The following UBE3D variants were observed in gnomAD, a reference collection of about 807,000 sequenced individuals.
UBE3D encodes ubiquitin protein ligase E3D.
Under a neutral mutation model 49.6 loss-of-function variants are expected in UBE3D, and 48 were observed. The observed-to-expected ratio is 0.97, with a 90% CI of 0.77 to 1.23. UBE3D has a LOEUF of 1.23. Among genes scored for constraint, UBE3D ranks in the 50% most tolerant of loss-of-function variants. The pLI is 0.00. For synonymous variants in UBE3D, 189 were observed against 174.2 expected (o/e 1.08, Z -0.67); for missense variants, 452 against 468.4 (o/e 0.96, Z 0.32).
intron 9 of UBE3D, among the ~76,000 whole-genome samples, chr6:82,917,106 G>T (rs1038807982): frequency 2.6e-5 from 4 of 152,134 alleles, no homozygotes; most frequent in African/African-American, 9.7e-5. Flanking sequence ...AGTTCAAAAT[G>T]AGAGCTTTTT....
rs1773239767 is a variant in UBE3D at position 82,920,390 on chromosome 6, TATG to T, written c.1150-27351_1150-27349del. 2.0e-5 allele frequency among the ~76,000 whole-genome samples: 3 copies of T among 152,368 alleles called. 1 individual carries two copies. The highest frequency in any genetic ancestry group is 1.9e-4 in the East Asian group (1 of 5,190). On this transcript the variant is annotated intron_variant, in intron 9 of 9. Transcript: ENST00000369747. ...TCCTTTGATACATATATCTTTTTAATATGATAAGACCACATTGATCTATAATAG... is the reference window on the plus strand; with the variant it reads ...TCCTTTGATACATATATCTTTTTAATATAAGACCACATTGATCTATAATAG...
At chr6:82,955,655 A>C (rs1272257744) in intron 9 of UBE3D, among the ~76,000 whole-genome samples, 1 of 152,168 alleles carries the variant, frequency 6.6e-6, no homozygotes, top group Non-Finnish European at 1.5e-5. Flanking sequence ...ATAAATACAA[A>C]CTACTGCAAA....
chr6:83,011,244 G>T (rs552736803), intron 8 of UBE3D, among the ~76,000 whole-genome samples: 3 of 152,146 alleles, frequency 2.0e-5, no homozygotes, highest in Admixed American at 6.5e-5. Context: ...ATGCACAAAC[G>T]TGTTTTTAAC....
At chr6:83,054,884 C>T (rs1264500636) in intron 2 of UBE3D, among the ~76,000 whole-genome samples, 10 of 152,150 alleles carry the variant, frequency 6.6e-5, no homozygotes, top group Non-Finnish European at 1.2e-4. Flanking sequence ...TTCCTGACCT[C>T]GTAATCCCCT....
chr6:83,001,889 TCA>T (rs1158486119), intron 8 of UBE3D, among the ~76,000 whole-genome samples: 3 of 152,142 alleles, frequency 2.0e-5, no homozygotes, highest in African/African-American at 7.2e-5. Flanking sequence ...GAAACGCGTA[TCA>T]CAGAGATTCT....
chr6:82,978,311 C>G (rs1427012310), intron 8 of UBE3D, among the ~76,000 whole-genome samples: 1 of 152,094 alleles, frequency 6.6e-6, no homozygotes, highest in African/African-American at 2.4e-5. Flanking sequence ...GAAATACTGG[C>G]TTTGCTGTCA....
intron 8 of UBE3D, among the ~76,000 whole-genome samples, chr6:82,984,951 C>A (rs1778360812): frequency 1.3e-5 from 2 of 151,258 alleles, no homozygotes; most frequent in Non-Finnish European, 2.9e-5. Flanking sequence ...GGTAGGACTG[C>A]AGCTGTGCAC....
intron 2 of UBE3D, among the ~76,000 whole-genome samples, chr6:83,056,587 G>C (rs1250374651): frequency 6.6e-6 from 1 of 151,998 alleles, no homozygotes; most frequent in African/African-American, 2.4e-5. Context: ...CCTACCCTTT[G>C]TTCCTAAAAC....
Position 83,022,501 on chromosome 6 carries a change from G to T in UBE3D, c.798C>A (p.Ser266Arg). 1 of 1,606,304 alleles carries T rather than the reference G, an allele frequency of 6.2e-7. No individual in the cohort carries two copies. The highest frequency in any genetic ancestry group is 8.5e-7 in the Non-Finnish European group (1 of 1,176,920). The change falls in exon 7 of 10, where the codon AGC becomes AGA. Residue 266 changes from serine to arginine, a missense_variant. By Grantham distance (110) the Ser-to-Arg change is moderately radical (BLOSUM62 -1). Coordinates refer to ENST00000369747, the MANE Select transcript of UBE3D (RefSeq NM_198920.3). ...QCLVQLSSAR[S>R]TFRFTIQGQD... ...GACCTTGAATCGTGAATCTAAAAGT[G>T]CTTCTAGCAGAGGAGAGCTGCACCA...
chr6:82,931,747 T>C (rs999279495), intron 9 of UBE3D, among the ~76,000 whole-genome samples: 1 of 152,248 alleles, frequency 6.6e-6, no homozygotes, highest in African/African-American at 2.4e-5. Flanking sequence ...AACTTGCTTT[T>C]AATTTTACAG....
the UBE3D span, among the ~76,000 whole-genome samples, chr6:82,882,504 C>T: frequency 6.6e-6 from 1 of 152,180 alleles, no homozygotes; most frequent in Non-Finnish European, 1.5e-5. Flanking sequence ...TTCCCGGCTA[C>T]CTTCCACCTA....
At position 83,044,655 on chromosome 6, in the gene UBE3D, G is replaced by A. The variant is rs778465396; in HGVS notation, c.370C>T (p.Leu124Phe). 6.2e-7 allele frequency: 1 copy of A among 1,610,978 alleles called. No homozygotes were observed. The highest frequency in any genetic ancestry group is 8.5e-7 in the Non-Finnish European group (1 of 1,178,006). Residue 124 changes from leucine (L) to phenylalanine (F), a missense_variant, in exon 4 of 10, where the codon CTC (leucine) becomes TTC (phenylalanine). Coordinates refer to ENST00000369747, the MANE Select transcript of UBE3D (RefSeq NM_198920.3). ...CGEVIIKDRKLLRVLPLPSEN... is the reference protein window; with the variant it reads ...CGEVIIKDRKFLRVLPLPSEN... ...CTCGGCAGTGGGAGCACCCTGAGGA[G>A]CTTCCTAGTGGAAAGAGGAAAAATC... is the stretch of plus-strand genomic sequence containing the variant.
At chr6:83,011,561 T>C (rs751736016) in intron 8 of UBE3D, among the ~76,000 whole-genome samples, 1 of 152,184 alleles carries the variant, frequency 6.6e-6, no homozygotes, top group Non-Finnish European at 1.5e-5. Flanking sequence ...ATGCATACTC[T>C]TCCTTACTTC....
At chr6:83,051,948 T>C (rs1783497006) in intron 3 of UBE3D, among the ~76,000 whole-genome samples, 1 of 152,126 alleles carries the variant, frequency 6.6e-6, no homozygotes, top group Non-Finnish European at 1.5e-5. Flanking sequence ...CATGTCAACG[T>C]TTATTCAATT....
intron 1 of UBE3D, among the ~76,000 whole-genome samples, chr6:83,062,679 TTATGC>T (rs1784242939): frequency 6.6e-6 from 1 of 152,220 alleles, no homozygotes; most frequent in African/African-American, 2.4e-5. Context: ...GCATACAGTT[TTATGC>T]TATTTTTAGG....
chr6:83,017,004 C>A (rs1216448410), intron 8 of UBE3D, among the ~76,000 whole-genome samples: 1 of 152,190 alleles, frequency 6.6e-6, no homozygotes, highest in East Asian at 1.9e-4. Flanking sequence ...CCCACTGACT[C>A]AAATGTTAAT....
chr6:83,045,432 T>C (rs1387849663), intron 3 of UBE3D, among the ~76,000 whole-genome samples: 1 of 152,204 alleles, frequency 6.6e-6, no homozygotes, highest in African/African-American at 2.4e-5. Context: ...GTGTTTCTTC[T>C]GTGAATTGTG....
intron 9 of UBE3D, among the ~76,000 whole-genome samples, chr6:82,928,474 AT>A (rs1444674386): frequency 1.3e-5 from 2 of 152,186 alleles, no homozygotes; most frequent in African/African-American, 4.8e-5. Context: ...CCACTTCATC[AT>A]GGTAAATTTG....
intron 9 of UBE3D, among the ~76,000 whole-genome samples, chr6:82,895,590 T>C (rs1270236698): frequency 1.3e-5 from 2 of 152,310 alleles, no homozygotes; most frequent in African/African-American, 2.4e-5. Flanking sequence ...TACATGAAAT[T>C]TGTAAAACAC....
Sources: gnomAD v4.1 joint callset for allele counts (sites outside exome capture counted in the v4.1 genomes callset) on GRCh38, gnomAD v4.1.1 for gene constraint, MANE v1.5 for transcripts, NCBI Gene and HGNC (gene_info 2026-07-23, HGNC 2026-07-21) for gene names.